INTS4: variants seen among roughly 807,000 people sequenced by gnomAD.
INTS4 encodes the protein MSTP093.
In INTS4, 70 loss-of-function variants were observed where a neutral mutation model predicts 119.5. The ratio of observed to expected loss-of-function variants is 0.59; its 90% confidence interval spans 0.48 to 0.71. The LOEUF (loss-of-function observed/expected upper bound fraction) is 0.71. INTS4 is among the 30% of genes least tolerant of loss of function. The pLI, the probability that INTS4 is intolerant of heterozygous loss-of-function variation, is 0.00. For synonymous variants in INTS4, 316 were observed against 419.6 expected (o/e 0.75, Z 3.02); for missense variants, 867 against 1,173.2 (o/e 0.74, Z 3.81).
intron 2 of INTS4, among the ~76,000 whole-genome samples, chr11:77,989,036 A>G (rs1489186097): frequency 6.6e-6 from 1 of 152,210 alleles, no homozygotes; most frequent in Non-Finnish European, 1.5e-5. Context: ...GAATTACTTA[A>G]CTTTATTCAT....
At chr11:77,912,631 C>T (rs1240282108) in intron 15 of INTS4, among the ~76,000 whole-genome samples, 1 of 151,964 alleles carries the variant, frequency 6.6e-6, no homozygotes, top group African/African-American at 2.4e-5. Flanking sequence ...CTTAGAATCT[C>T]TAAAAATCAA....
chr11:77,925,064 G>A (rs571113380), intron 11 of INTS4, among the ~76,000 whole-genome samples, 172 bp from the exon 12 acceptor site: 1 of 152,214 alleles, frequency 6.6e-6, no homozygotes, highest in South Asian at 2.1e-4. Flanking sequence ...ATTGATAAAG[G>A]ACCAGAGGCA....
chr11:77,879,352 G>A (rs559230002), intron 22 of INTS4, among the ~76,000 whole-genome samples: 4 of 152,322 alleles, frequency 2.6e-5, no homozygotes, highest in African/African-American at 9.6e-5. Flanking sequence ...CAAAGCTGCT[G>A]AGGCAACTGG....
intron 1 of INTS4, among the ~76,000 whole-genome samples, chr11:77,993,551 T>C (rs781114884): frequency 2.0e-5 from 3 of 152,212 alleles, no homozygotes; most frequent in Non-Finnish European, 4.4e-5. Flanking sequence ...GAAATCACAT[T>C]GTGCAACAGT....
chr11:77,876,908 T>A, downstream of INTS4: 1 of 699,048 alleles, frequency 1.4e-6, no homozygotes, highest in Non-Finnish European at 2.6e-6. Flanking sequence ...TACAGCACGA[T>A]GGGCTCAGGC....
chr11:77,937,067 C>T (rs749067007), intron 10 of INTS4, among the ~76,000 whole-genome samples: 13 of 151,802 alleles, frequency 8.6e-5, no homozygotes, highest in African/African-American at 1.9e-4. Flanking sequence ...CCCAGCTACT[C>T]GGGAAGCTGA....
chr11:77,953,854 GA>G (rs762708278), intron 8 of INTS4, among the ~76,000 whole-genome samples: 6 of 152,006 alleles, frequency 3.9e-5, no homozygotes, highest in Non-Finnish European at 7.4e-5. Context: ...AAAGTGCTGG[GA>G]TTATAGGTGT....
chr11:77,951,946 A>G (rs1954207014), intron 8 of INTS4, among the ~76,000 whole-genome samples: 1 of 152,200 alleles, frequency 6.6e-6, no homozygotes, highest in Non-Finnish European at 1.5e-5. Context: ...GAGAAATGCA[A>G]ATCAAAACCA....
intron 15 of INTS4, among the ~76,000 whole-genome samples, chr11:77,911,362 G>A (rs1292714730): frequency 6.6e-6 from 1 of 152,062 alleles, no homozygotes; most frequent in Admixed American, 6.6e-5. Flanking sequence ...TCTTCCTTTC[G>A]CTTCTCTGAT....
chr11:77,887,993 A>G (rs1262093391), intron 21 of INTS4, among the ~76,000 whole-genome samples: 4 of 152,344 alleles, frequency 2.6e-5, no homozygotes, highest in African/African-American at 9.6e-5. Context: ...AAATGGCCAT[A>G]CTGCCCAAGG....
At chr11:77,960,060 A>ATT (rs1384741666) in intron 6 of INTS4, among the ~76,000 whole-genome samples, 11 of 152,134 alleles carry the variant, frequency 7.2e-5, no homozygotes, top group African/African-American at 2.7e-4. Flanking sequence ...CACGTTCCTT[A>ATT]TTCTAAATGC....
chr11:77,993,671 A>T (rs950937934), intron 1 of INTS4, among the ~76,000 whole-genome samples: 5 of 152,156 alleles, frequency 3.3e-5, no homozygotes, highest in African/African-American at 1.2e-4. Context: ...TTAATGCTGG[A>T]TGAATGAATC....
intron 8 of INTS4, among the ~76,000 whole-genome samples, chr11:77,952,675 TG>T (rs768392824): frequency 8.7e-4 from 133 of 152,306 alleles, no homozygotes; most frequent in Non-Finnish European, 1.3e-3. Flanking sequence ...AACATGAAAT[TG>T]TAACACAAGG....
chr11:77,992,662 A>G (rs1319324123), intron 1 of INTS4, among the ~76,000 whole-genome samples: 1 of 152,242 alleles, frequency 6.6e-6, no homozygotes, highest in Non-Finnish European at 1.5e-5. Flanking sequence ...ATTCTAGACA[A>G]GAACACAGTA....
chr11:77,937,042 G>A (rs539671926), intron 10 of INTS4, among the ~76,000 whole-genome samples: 1 of 152,050 alleles, frequency 6.6e-6, no homozygotes, highest in African/African-American at 2.4e-5. Flanking sequence ...GAGAGTGGTC[G>A]CGGGCACCTG....
At chr11:77,880,363 C>T (rs1951744970) in intron 22 of INTS4, among the ~76,000 whole-genome samples, 2 of 152,102 alleles carry the variant, frequency 1.3e-5, no homozygotes, top group African/African-American at 4.8e-5. Context: ...GCAGTCAGCC[C>T]AAGGCCAGAG....
At chr11:77,920,029 G>C (rs1280412225) in intron 14 of INTS4, among the ~76,000 whole-genome samples, 11 of 151,942 alleles carry the variant, frequency 7.2e-5, no homozygotes, top group Admixed American at 2.6e-4. Context: ...GGCTGGTCAT[G>C]AACTCCTGAC....
At chr11:77,900,111 T>A (rs992118631) in intron 18 of INTS4, among the ~76,000 whole-genome samples, 105 of 152,024 alleles carry the variant, frequency 6.9e-4, no homozygotes, top group African/African-American at 1.0e-3. Context: ...TTTTTTTTTT[T>A]TATATAAAGA....
At chr11:77,984,108 T>C (rs748147791) in intron 2 of INTS4, among the ~76,000 whole-genome samples, 4 of 152,192 alleles carry the variant, frequency 2.6e-5, no homozygotes, top group South Asian at 2.1e-4. Flanking sequence ...GAGGATATTA[T>C]GCTAAGTGAA....
Sources: allele counts gnomAD v4.1 joint callset (sites outside exome capture counted in the v4.1 genomes callset), GRCh38; gene constraint gnomAD v4.1.1; transcripts MANE v1.5; gene names NCBI Gene and HGNC (gene_info 2026-07-23, HGNC 2026-07-21).